NXPE3: variants seen among roughly 807,000 people sequenced by gnomAD.
NXPE3 encodes the protein neurexophilin and PC-esterase domain family member 3.
Under a neutral mutation model 46.1 loss-of-function variants are expected in NXPE3, and 26 were observed. The ratio of observed to expected loss-of-function variants is 0.56; its 90% CI spans 0.41 to 0.78. NXPE3 has a LOEUF of 0.78. Ranked by LOEUF, NXPE3 falls within the 30% of genes least tolerant of loss-of-function variation. NXPE3 has a pLI of 0.00. For missense variants in NXPE3, 620 were observed against 686.0 expected (o/e 0.90, Z 1.07); for synonymous variants, 272 against 257.9 (o/e 1.05, Z -0.52).
intron 7 of NXPE3, among the ~76,000 whole-genome samples, chr3:101,817,472 C>T (rs1397042594): frequency 6.6e-6 from 1 of 152,200 alleles, no homozygotes; most frequent in African/African-American, 2.4e-5. Flanking sequence ...TGCATCCTTG[C>T]AGCAAAGCCA....
chr3:101,790,956 T>A (rs530387192), intron 4 of NXPE3, among the ~76,000 whole-genome samples: 7 of 152,304 alleles, frequency 4.6e-5, no homozygotes, highest in African/African-American at 1.4e-4. Context: ...GTATTTTTTT[T>A]AAAACTTTCA....
At chr3:101,811,544 G>A (rs554018614) in intron 6 of NXPE3, among the ~76,000 whole-genome samples, 1 of 152,074 alleles carries the variant, frequency 6.6e-6, no homozygotes, top group Non-Finnish European at 1.5e-5. Context: ...GACTCTGAGG[G>A]TATAGTTAGG....
Position 101,785,475 on chromosome 3 carries a change from T to C in NXPE3, c.-122T>C, listed in dbSNP as rs1940102038. ...TCTGCATAAGAGCTCTTAAGGGTAC[T>C]AGCAGGATAGAAGCAAATGAAACTG... is the stretch of plus-strand genomic sequence containing the variant. On this transcript the variant is annotated 5_prime_UTR_variant, in exon 4 of 8. Transcript: ENST00000273347. 1 of 809,950 alleles carries C rather than the reference T, an allele frequency of 1.2e-6. No individual in the cohort carries two copies. The allele number at this position is 809,950 out of a possible 1,614,324, so 50.2% of individuals were successfully genotyped here. A position where few individuals can be genotyped will look rare whatever the true frequency, so the allele number is the denominator to read the frequency against.
intron 3 of NXPE3, among the ~76,000 whole-genome samples, chr3:101,785,146 T>C (rs1163568063): frequency 6.6e-6 from 1 of 152,226 alleles, no homozygotes; most frequent in Non-Finnish European, 1.5e-5. Flanking sequence ...ACATACTTCC[T>C]TACTTTCTTA....
intron 4 of NXPE3, among the ~76,000 whole-genome samples, chr3:101,791,074 C>A (rs1457186480): frequency 6.6e-6 from 1 of 152,176 alleles, no homozygotes; most frequent in Non-Finnish European, 1.5e-5. Context: ...CCAGTACCCT[C>A]TCTGCTCCTC....
rs1332793873 is a variant in NXPE3 at position 101,822,329 on chromosome 3, G to A, written c.*375G>A. 1 of 186,602 alleles carries A rather than the reference G, an allele frequency of 5.4e-6. No individual in the cohort carries two copies. Among genetic ancestry groups the A allele is most frequent in the Non-Finnish European group, 1.1e-5 (1 of 87,616 alleles). The allele number at this position is 186,602 out of a possible 1,614,324, so 11.6% of individuals were successfully genotyped here. A position where few individuals can be genotyped will look rare whatever the true frequency, so the allele number is the denominator to read the frequency against. Reference sequence around the variant, plus strand: ...AAGTTTGGTTGGTAGTAGAGTGTTTGTAGCTTATCTGGTAAAGGAAATTGA... The same window carrying A: ...AAGTTTGGTTGGTAGTAGAGTGTTTATAGCTTATCTGGTAAAGGAAATTGA... On this transcript the variant is annotated 3_prime_UTR_variant, in exon 8 of 8. Transcript: ENST00000273347.
In NXPE3 at chr3:101,801,429, C is replaced by G; in HGVS notation, c.288C>G (p.Pro96=). Residue 96 remains proline, a synonymous_variant, in exon 5 of 8, where the codon CCC becomes CCG. Transcript: ENST00000273347. ...HRQVPDVGPV[P]FVKSTDPSSS... is the part of the protein sequence containing the mutation. ...AGGTTCCTGATGTGGGCCCAGTCCC[C>G]TTTGTGAAGAGCACTGACCCTTCTT... is the stretch of plus-strand genomic sequence containing the variant. The G allele has an allele frequency of 1.2e-6, 2 of 1,614,218 alleles. No homozygotes were observed. The highest frequency in any genetic ancestry group is 1.7e-6 in the Non-Finnish European group (2 of 1,180,048).
intron 4 of NXPE3, among the ~76,000 whole-genome samples, chr3:101,786,779 TA>T (rs1440232171): frequency 1.3e-5 from 2 of 152,244 alleles, no homozygotes; most frequent in Non-Finnish European, 2.9e-5. Context: ...TTTTTTGTGG[TA>T]AATAACTAAC....
chr3:101,804,603 G>A (rs1941321577), intron 5 of NXPE3, among the ~76,000 whole-genome samples: 1 of 152,106 alleles, frequency 6.6e-6, no homozygotes, highest in South Asian at 2.1e-4. Flanking sequence ...TGATTTTTTG[G>A]GGGATCTTTG....
chr3:101,786,160 A>G (rs2107242916), intron 4 of NXPE3, among the ~76,000 whole-genome samples: 1 of 152,240 alleles, frequency 6.6e-6, no homozygotes. Context: ...GTACTCAGGG[A>G]CCATGTCTTA....
intron 6 of NXPE3, among the ~76,000 whole-genome samples, chr3:101,809,018 G>A (rs906151216): frequency 1.3e-5 from 2 of 151,208 alleles, no homozygotes; most frequent in Non-Finnish European, 2.9e-5. Context: ...TCACAGACTC[G>A]ACTGGCTTGC....
At chr3:101,817,226 T>C (rs1942014980) in intron 7 of NXPE3, among the ~76,000 whole-genome samples, 1 of 152,238 alleles carries the variant, frequency 6.6e-6, no homozygotes, top group South Asian at 2.1e-4. Context: ...TTTATGTCAC[T>C]GATGAGCTGT....
rs1939861103 is a variant in NXPE3, at chr3:101,782,156, C to G, written c.-451C>G. The G allele has an allele frequency of 6.6e-6, 1 of 152,088 alleles. No homozygotes were observed. Among genetic ancestry groups the G allele is most frequent in the South Asian group, 2.1e-4 (1 of 4,824 alleles). The allele number at this position is 152,088 out of a possible 1,614,324, so 9.4% of individuals were successfully genotyped here. On this transcript the variant is annotated 5_prime_UTR_variant, in exon 2 of 8. Transcript: ENST00000273347. ...GTAAAAAACATTTATGTGTGCTTCA[C>G]ATGTGGCATGAAAAAAATGAGGACC...
rs1942574569 is a variant in NXPE3, at chr3:101,827,991, T to G, written c.*6037T>G. 2 of 152,196 alleles carry G rather than the reference T, an allele frequency of 1.3e-5. No individual in the cohort carries two copies. The highest frequency in any genetic ancestry group is 2.1e-4 in the South Asian group (1 of 4,824). 9.4% of individuals were successfully genotyped at this position (152,196 alleles called of 1,614,324 possible). A position where few individuals can be genotyped will look rare whatever the true frequency, so the allele number is the denominator to read the frequency against. On this transcript the variant is annotated 3_prime_UTR_variant, in exon 8 of 8. Transcript: ENST00000273347. ...AGGGCGCCAGTGAGAGGGGCTGGCC[T>G]CCTCTTGCCACGAGGTCAGACGGCG... is the stretch of plus-strand genomic sequence containing the variant.
At chr3:101,810,401 A>G (rs1390165845) in intron 6 of NXPE3, among the ~76,000 whole-genome samples, 1 of 152,272 alleles carries the variant, frequency 6.6e-6, no homozygotes, top group Non-Finnish European at 1.5e-5. Flanking sequence ...TAGCTATGGC[A>G]GGTTGAATAC....
rs749176939 is a variant in NXPE3, at chr3:101,785,728, G to A, written c.93+39G>A. On this transcript the variant is annotated intron_variant, in intron 4 of 7. Transcript: ENST00000273347. The stretch of plus-strand genomic sequence containing the variant: ...ATAATCCCTCATAACTAAGGGAGCC[G>A]AGTCTGGGGATCTGGGGCTAACTAG... 15 of 1,534,984 alleles carry A rather than the reference G, an allele frequency of 9.8e-6. No homozygotes were observed. The Admixed American group carries it at 2.0e-4, about 21-fold the overall frequency.
intron 7 of NXPE3, 57 bp downstream of exon 7, chr3:101,817,058 A>G: frequency 6.9e-6 from 10 of 1,448,468 alleles, no homozygotes; most frequent in Non-Finnish European, 9.7e-6. Context: ...TGAAATAAGC[A>G]GACTCACTCA....
At chr3:101,812,293 A>T (rs1941746962) in intron 6 of NXPE3, among the ~76,000 whole-genome samples, 1 of 152,232 alleles carries the variant, frequency 6.6e-6, no homozygotes, top group African/African-American at 2.4e-5. Context: ...TACTGGAAAG[A>T]ATAATTTGAT....
rs961604714 is a variant in NXPE3 at position 101,826,897 on chromosome 3, G to A, written c.*4943G>A. On this transcript the variant is annotated 3_prime_UTR_variant, in exon 8 of 8. Transcript: ENST00000273347. Reference sequence around the variant, plus strand: ...AAAAATACAAAAATAGCCAGGTGTGGTGGCACATGCCTGTCATCCCAGCTA... The same window carrying A: ...AAAAATACAAAAATAGCCAGGTGTGATGGCACATGCCTGTCATCCCAGCTA... 2 of 152,144 alleles carry A rather than the reference G, an allele frequency of 1.3e-5. No individual in the cohort carries two copies. The highest frequency in any genetic ancestry group is 4.8e-5 in the African/African-American group (2 of 41,372). 9.4% of individuals were successfully genotyped at this position (152,144 alleles called of 1,614,324 possible).
Sources: gnomAD v4.1 joint callset for allele counts (sites outside exome capture counted in the v4.1 genomes callset) on GRCh38, gnomAD v4.1.1 for gene constraint, MANE v1.5 for transcripts, NCBI Gene and HGNC (gene_info 2026-07-23, HGNC 2026-07-21) for gene names.